The following CYP4F22 variants were observed in gnomAD, a reference collection of about 807,000 sequenced individuals.
The protein encoded by CYP4F22 is cytochrome P450 family 4 subfamily F member 22.
In CYP4F22, 37 loss-of-function variants were observed where a neutral mutation model predicts 60.4. The observed-to-expected ratio is 0.61, with a 90% CI of 0.47 to 0.81. The LOEUF is 0.81. Among genes scored for constraint, CYP4F22 ranks in the 30% least tolerant of loss-of-function variants. CYP4F22 has a pLI of 0.00. For missense variants in CYP4F22, 655 were observed against 715.0 expected (o/e 0.92, Z 0.96); for synonymous variants, 258 against 280.5 (o/e 0.92, Z 0.80).
In CYP4F22 at chr19:15,548,077, C is replaced by T. The variant is rs538477101; in HGVS notation, c.1137-31C>T. The T allele has an allele frequency of 1.2e-5, 19 of 1,607,154 alleles. No homozygotes were observed. In the East Asian group the frequency reaches 2.5e-4, roughly 21 times the overall value. On this transcript the variant is annotated intron_variant, in intron 10 of 13. Coordinates refer to ENST00000269703, the MANE Select transcript of CYP4F22 (RefSeq NM_173483.4). ...TTGGGGAGGTGGTGCCATGGTGGCTCGGCCTCTAGTTATATCTCCATTCTC... is the reference window on the plus strand; with the variant it reads ...TTGGGGAGGTGGTGCCATGGTGGCTTGGCCTCTAGTTATATCTCCATTCTC...
intron 1 of CYP4F22, among the ~76,000 whole-genome samples, chr19:15,522,784 C>T (rs1320823428): frequency 6.6e-6 from 1 of 152,130 alleles, no homozygotes; most frequent in African/African-American, 2.4e-5. Flanking sequence ...GATCTCAGCT[C>T]ACTTCAACCT....
At chr19:15,518,406 C>T (rs1219135424) in intron 1 of CYP4F22, among the ~76,000 whole-genome samples, 11 of 150,398 alleles carry the variant, frequency 7.3e-5, no homozygotes, top group South Asian at 4.2e-4. Context: ...TTTGGGAGGC[C>T]GAGGCGGGCG....
At chr19:15,527,344 A>C (rs1335869066) in intron 3 of CYP4F22, among the ~76,000 whole-genome samples, 1 of 151,982 alleles carries the variant, frequency 6.6e-6, no homozygotes, top group East Asian at 1.9e-4. Context: ...CACTTGTTCC[A>C]CCATCCCTCC....
chr19:15,520,208 T>C (rs891085303), intron 1 of CYP4F22, among the ~76,000 whole-genome samples: 1 of 151,484 alleles, frequency 6.6e-6, no homozygotes, highest in South Asian at 2.1e-4. Context: ...TAGCTGGGCG[T>C]GGTGGTGGGC....
Position 15,551,310 on chromosome 19 carries a change from A to G in CYP4F22, c.1435A>G (p.Ser479Gly). 6.2e-7 allele frequency: 1 copy of G among 1,613,140 alleles called. No homozygotes were observed. Among genetic ancestry groups the G allele is most frequent in the African/African-American group, 1.3e-5 (1 of 75,016 alleles). The change falls in exon 14 of 14, where the codon AGC becomes GGC. Residue 479 changes from serine (S) to glycine (G), a missense_variant. Ser to Gly is a moderately conservative substitution (Grantham distance 56). Transcript: ENST00000269703. ...SAGPRNCIGQSFAMAELRVVV... is the reference protein window; with the variant it reads ...SAGPRNCIGQGFAMAELRVVV... Reference sequence around the variant, plus strand: ...TTCCTCCAGGAATTGCATCGGACAGAGCTTCGCCATGGCCGAGTTGCGCGT... The same window carrying G: ...TTCCTCCAGGAATTGCATCGGACAGGGCTTCGCCATGGCCGAGTTGCGCGT...
intron 4 of CYP4F22, 110 bp from the exon 5 acceptor site, chr19:15,537,251 A>C: frequency 1.4e-6 from 2 of 1,405,506 alleles, no homozygotes; most frequent in Non-Finnish European, 2.0e-6. Flanking sequence ...CAGTGAGTGG[A>C]GATCGCACCA....
chr19:15,508,901 G>T (rs1163283501), intron 1 of CYP4F22, among the ~76,000 whole-genome samples: 1 of 151,988 alleles, frequency 6.6e-6, no homozygotes, highest in East Asian at 1.9e-4. Flanking sequence ...ATGGGCAGGG[G>T]GCCTCCAAAA....
Position 15,540,581 on chromosome 19 carries a change from G to A in CYP4F22, c.803G>A (p.Cys268Tyr), listed in dbSNP as rs1971446995. The A allele has an allele frequency of 3.7e-6, 6 of 1,614,246 alleles. No homozygotes were observed. The highest frequency in any genetic ancestry group is 5.1e-6 in the Non-Finnish European group (6 of 1,180,044). Residue 268 changes from cysteine (C) to tyrosine (Y), a missense_variant, in exon 8 of 14, where the codon TGT becomes TAT. Cys to Tyr is a radical substitution (Grantham distance 194). Around this residue, in one of 3 missense-constraint regions of CYP4F22, gnomAD observed 430 missense variants for 457.1 expected, o/e 0.94. Coordinates refer to ENST00000269703, the MANE Select transcript of CYP4F22 (RefSeq NM_173483.4). ...SADGRRFRQACDMVHHFTTEV... is the reference protein window; with the variant it reads ...SADGRRFRQAYDMVHHFTTEV... ...GATGGGCGGAGGTTCCGGCAGGCCT[G>A]TGACATGGTGCACCACTTCACCACT...
At chr19:15,546,863 A>T (rs939877682) in intron 10 of CYP4F22, among the ~76,000 whole-genome samples, 4 of 151,612 alleles carry the variant, frequency 2.6e-5, no homozygotes, top group African/African-American at 9.7e-5. Flanking sequence ...GGTGTGTGCC[A>T]TCATGCCCAG....
intron 1 of CYP4F22, among the ~76,000 whole-genome samples, chr19:15,513,747 C>G (rs759735593): frequency 6.6e-6 from 1 of 152,104 alleles, no homozygotes; most frequent in Non-Finnish European, 1.5e-5. Flanking sequence ...GCAATCCGCA[C>G]CCCCCTCGGT....
chr19:15,520,391 CT>C (rs1378193221), intron 1 of CYP4F22, among the ~76,000 whole-genome samples: 16 of 143,714 alleles, frequency 1.1e-4, no homozygotes, highest in Non-Finnish European at 1.9e-4. Context: ...GTCTCTTTCC[CT>C]TTTTTTGCTG....
intron 13 of CYP4F22, 78 bp from the exon 14 acceptor site, chr19:15,551,216 T>C: frequency 6.5e-7 from 1 of 1,548,128 alleles, no homozygotes. Flanking sequence ...TTGCTTCATT[T>C]TCAAAGGAGG....
In CYP4F22 at chr19:15,542,098, G is replaced by T. The variant is rs190127845; in HGVS notation, c.939+1381G>T. 2.9e-3 allele frequency among the ~76,000 whole-genome samples: 444 copies of T among 152,256 alleles called. 5 individuals are homozygous for T. Among genetic ancestry groups the T allele is most frequent in the Non-Finnish European group, 1.4e-3 (93 of 68,028 alleles). ...GGTGATCATAAAACCTGATCACAAG[G>T]TTGTCAGGCATCCAGTGGGATGCTT... On this transcript the variant is annotated intron_variant, in intron 8 of 13. Transcript: ENST00000269703.
chr19:15,509,904 C>CTTTCCTTCCTTCCTTCTTT (rs1555725971), intron 1 of CYP4F22, among the ~76,000 whole-genome samples: 6 of 86,694 alleles, frequency 6.9e-5, no homozygotes, highest in Non-Finnish European at 1.3e-4. Context: ...TTCCTTCCTT[C>CTTTCCTTCCTTCCTTCTTT]CTTTCTTTCT....
Position 15,551,406 on chromosome 19 carries a change from G to C in CYP4F22, c.1531G>C (p.Glu511Gln), listed in dbSNP as rs201853168. The change falls in exon 14 of 14, where the codon GAG (glutamate) becomes CAG (glutamine). Residue 511 changes from glutamate (E) to glutamine (Q), a missense_variant. Transcript: ENST00000269703. ...DRTRKVRRKP[E>Q]LILRTENGLW... is the part of the protein sequence containing the mutation. ...AACGCGCAAGGTGCGGCGGAAGCCGGAGCTCATACTGCGCACGGAGAACGG... is the reference window on the plus strand; with the variant it reads ...AACGCGCAAGGTGCGGCGGAAGCCGCAGCTCATACTGCGCACGGAGAACGG... 8.8e-5 allele frequency: 141 copies of C among 1,602,504 alleles called. 2 individuals carry two copies. In the Admixed American group the frequency reaches 2.0e-3, roughly 23 times the overall value.
In CYP4F22 at chr19:15,510,966, A is replaced by ATAT. The variant is rs34055543; in HGVS notation, c.-109+2384_-109+2385insATT. On this transcript the variant is annotated intron_variant, in intron 1 of 13. Coordinates refer to ENST00000269703, the MANE Select transcript of CYP4F22 (RefSeq NM_173483.4). ...ATACCATATATATATATATATATAT[A>ATAT]TTTTTTTTTTTTTTTTTGAGATGGA... 4.1e-3 allele frequency among the ~76,000 whole-genome samples: 424 copies of ATAT among 103,298 alleles called. 5 individuals carry two copies. The highest frequency in any genetic ancestry group is 0.024 in the Admixed American group (223 of 9,402). 67.8% of individuals were successfully genotyped at this position (103,298 alleles called of 152,430 possible).
chr19:15,539,611 A>T (rs1026891492), intron 7 of CYP4F22, among the ~76,000 whole-genome samples: 3 of 152,200 alleles, frequency 2.0e-5, no homozygotes, highest in Non-Finnish European at 4.4e-5. Flanking sequence ...GAACTGCTAA[A>T]CTTTATTTCA....
intron 3 of CYP4F22, among the ~76,000 whole-genome samples, chr19:15,529,363 A>G (rs1274578517): frequency 6.6e-6 from 1 of 152,048 alleles, no homozygotes; most frequent in Middle Eastern, 3.2e-3. Context: ...TCCTGACCTC[A>G]GGTGATCTGC....
chr19:15,512,783 A>G (rs567167180), intron 1 of CYP4F22, among the ~76,000 whole-genome samples: 1 of 152,238 alleles, frequency 6.6e-6, no homozygotes, highest in Non-Finnish European at 1.5e-5. Flanking sequence ...AGTTTACATT[A>G]GGATTCACTC....
Sources: gnomAD v4.1 joint callset for allele counts (sites outside exome capture counted in the v4.1 genomes callset) on GRCh38, gnomAD v4.1.1 for gene constraint, gnomAD v4.1.1 regional missense constraint, MANE v1.5 for transcripts, NCBI Gene and HGNC (gene_info 2026-07-23, HGNC 2026-07-21) for gene names.